ITGB5: variants seen among roughly 807,000 people sequenced by gnomAD.
The protein encoded by ITGB5 is integrin subunit beta 5.
A neutral mutation model predicts 84.8 loss-of-function variants in ITGB5; 38 were observed. The observed-to-expected ratio is 0.45, with a 90% CI of 0.35 to 0.59. ITGB5 has a LOEUF of 0.59. Ranked by LOEUF, ITGB5 falls within the 20% of genes least tolerant of loss-of-function variation. The pLI is 0.01. For synonymous variants in ITGB5, 393 were observed against 414.4 expected, an observed-to-expected ratio of 0.95 and a Z score of 0.63; for missense variants, 905 against 1,034.5, an observed-to-expected ratio of 0.87 and a Z score of 1.72.
chr3:124,864,969 T>C (rs779495721), intron 2 of ITGB5, among the ~76,000 whole-genome samples: 3 of 152,160 alleles, frequency 2.0e-5, no homozygotes, highest in Non-Finnish European at 4.4e-5. Flanking sequence ...CCCAAGAAGT[T>C]GAAGTTCATC....
At chr3:124,817,280 A>C (rs1579243707) in intron 8 of ITGB5, among the ~76,000 whole-genome samples, 1 of 152,150 alleles carries the variant, frequency 6.6e-6, no homozygotes, top group African/African-American at 2.4e-5. Flanking sequence ...TAGCCTGGGC[A>C]CTGGGTAGGT....
At chr3:124,854,474 A>G (rs2065195966) in intron 3 of ITGB5, among the ~76,000 whole-genome samples, 6 of 152,240 alleles carry the variant, frequency 3.9e-5, no homozygotes, top group Admixed American at 3.9e-4. Context: ...ATGAACCTTG[A>G]AACATGTTGC....
intron 1 of ITGB5, among the ~76,000 whole-genome samples, 191 bp downstream of exon 1, chr3:124,886,740 C>A (rs1358821120): frequency 6.6e-6 from 1 of 151,716 alleles, no homozygotes; most frequent in Non-Finnish European, 1.5e-5. Flanking sequence ...AGGAGACTCA[C>A]GACAGCCCGG....
At chr3:124,852,900 C>G (rs914800127) in intron 3 of ITGB5, among the ~76,000 whole-genome samples, 3 of 152,192 alleles carry the variant, frequency 2.0e-5, no homozygotes, top group Middle Eastern at 3.2e-3. Flanking sequence ...GTTGCCCAGG[C>G]TGGCCTCAAA....
At chr3:124,876,967 G>GT (rs1934352982) in intron 1 of ITGB5, among the ~76,000 whole-genome samples, 1 of 146,058 alleles carries the variant, frequency 6.8e-6, no homozygotes, top group South Asian at 2.3e-4. Flanking sequence ...TTGATTTCTT[G>GT]TTTGTTTTTT....
intron 1 of ITGB5, among the ~76,000 whole-genome samples, chr3:124,877,039 T>C (rs1934357841): frequency 1.3e-5 from 2 of 151,914 alleles, no homozygotes; most frequent in African/African-American, 4.8e-5. Flanking sequence ...AGTGTGATCA[T>C]AACTCACTGT....
chr3:124,818,070 C>T (rs971161748), intron 7 of ITGB5, among the ~76,000 whole-genome samples: 4 of 152,138 alleles, frequency 2.6e-5, no homozygotes, highest in Non-Finnish European at 5.9e-5. Context: ...ATTTCTCCCC[C>T]GGTCTCTGAG....
intron 4 of ITGB5, among the ~76,000 whole-genome samples, chr3:124,842,825 C>A (rs1307144561): frequency 5.9e-5 from 9 of 152,164 alleles, no homozygotes. Context: ...TGGGCAGGCT[C>A]CCTTCTGTAA....
chr3:124,827,107 C>CAACAA (rs781241313), intron 5 of ITGB5, among the ~76,000 whole-genome samples: 3 of 151,608 alleles, frequency 2.0e-5, no homozygotes, highest in Admixed American at 6.6e-5. Flanking sequence ...AAACACAAAA[C>CAACAA]AACAAAACAA....
chr3:124,892,380 T>G (rs1935017750), upstream of ITGB5, among the ~76,000 whole-genome samples: 2 of 150,854 alleles, frequency 1.3e-5, no homozygotes, highest in Admixed American at 1.3e-4. Flanking sequence ...CACTGAATGG[T>G]AAACTTAAAA....
At chr3:124,792,977 G>A (rs1351884572) in intron 10 of ITGB5, 1 of 152,068 alleles carries the variant, frequency 6.6e-6, no homozygotes, top group African/African-American at 2.4e-5. Context: ...CACTTGCCCT[G>A]TCTCCCAGGC....
intron 8 of ITGB5, among the ~76,000 whole-genome samples, chr3:124,816,558 T>TA (rs1559949542): frequency 1.3e-5 from 2 of 152,156 alleles, no homozygotes; most frequent in African/African-American, 4.8e-5. Flanking sequence ...AGCAGGTGGG[T>TA]AGGCAATGGA....
At chr3:124,844,990 G>T (rs2065058528) in intron 4 of ITGB5, among the ~76,000 whole-genome samples, 1 of 152,208 alleles carries the variant, frequency 6.6e-6, no homozygotes. Flanking sequence ...CTGCAGGGAT[G>T]CCCCCACAAC....
chr3:124,801,418 C>T (rs1274333094), intron 9 of ITGB5, among the ~76,000 whole-genome samples: 1 of 152,200 alleles, frequency 6.6e-6, no homozygotes, highest in East Asian at 1.9e-4. Flanking sequence ...AGCCCCTGCC[C>T]TGCCACCTCT....
intron 1 of ITGB5, among the ~76,000 whole-genome samples, chr3:124,896,175 T>C (rs111498525): frequency 2.6e-5 from 4 of 152,326 alleles, no homozygotes; most frequent in African/African-American, 9.6e-5. Flanking sequence ...CTTTCCTCTT[T>C]AAAGGCTGTC....
intron 9 of ITGB5, among the ~76,000 whole-genome samples, chr3:124,806,224 G>A (rs4678164): frequency 0.18 from 26,714 of 152,058 alleles, 2,568 homozygotes; most frequent in Admixed American, 0.25. Context: ...GAAACCTGGC[G>A]TATGCTAGAT....
intron 8 of ITGB5, among the ~76,000 whole-genome samples, chr3:124,811,143 C>T (rs1467619757): frequency 6.6e-6 from 1 of 152,146 alleles, no homozygotes; most frequent in Non-Finnish European, 1.5e-5. Flanking sequence ...GGCCAAGGGT[C>T]ACAAAAGCGC....
intron 11 of ITGB5, chr3:124,769,644 G>A (rs2063814262): frequency 6.6e-6 from 1 of 152,254 alleles, no homozygotes; most frequent in Non-Finnish European, 1.5e-5. Context: ...ACACCTCCGG[G>A]GACTGGGCTT....
At chr3:124,878,383 G>C (rs1934419829) in intron 1 of ITGB5, among the ~76,000 whole-genome samples, 1 of 152,158 alleles carries the variant, frequency 6.6e-6, no homozygotes, top group Admixed American at 6.5e-5. Flanking sequence ...AAAACATCAT[G>C]AACAACTGTA....
Sources: gnomAD v4.1 joint callset for allele counts (sites outside exome capture counted in the v4.1 genomes callset) on GRCh38, gnomAD v4.1.1 for gene constraint, MANE v1.5 for transcripts, NCBI Gene and HGNC (gene_info 2026-07-23, HGNC 2026-07-21) for gene names.